KIF5C: variants seen among roughly 807,000 people sequenced by gnomAD.
KIF5C encodes the protein kinesin family member 5C, also known as kinesin heavy chain isoform 5C.
In KIF5C, 18 loss-of-function variants were observed where a neutral mutation model predicts 125.2. The ratio of observed to expected loss-of-function variants is 0.14; its 90% CI spans 0.10 to 0.21. The LOEUF is 0.21. KIF5C is among the 10% of genes least tolerant of loss of function. The pLI is 1.00. For missense variants in KIF5C, 780 were observed against 1,183.8 expected (o/e 0.66, Z 5.01); for synonymous variants, 405 against 434.0 (o/e 0.93, Z 0.83).
At chr2:148,926,008 G>A (rs1377475334) in intron 2 of KIF5C, among the ~76,000 whole-genome samples, 1 of 152,174 alleles carries the variant, frequency 6.6e-6, no homozygotes, top group Non-Finnish European at 1.5e-5. Context: ...GACTGGTGAG[G>A]ATGGCCTGTC....
intron 7 of KIF5C, among the ~76,000 whole-genome samples, chr2:148,946,012 T>C (rs544957195): frequency 3.3e-5 from 5 of 152,332 alleles, no homozygotes; most frequent in Non-Finnish European, 7.3e-5. Context: ...AGTGTACAAG[T>C]CTTTCTCTTC....
intron 1 of KIF5C, among the ~76,000 whole-genome samples, chr2:148,917,942 C>T (rs1487593678): frequency 6.6e-6 from 1 of 152,206 alleles, no homozygotes; most frequent in African/African-American, 2.4e-5. Context: ...CCTCCTGGTG[C>T]CCATCTTCAA....
chr2:148,996,224 T>C (rs984391295), intron 17 of KIF5C, among the ~76,000 whole-genome samples: 3 of 152,218 alleles, frequency 2.0e-5, no homozygotes, highest in Non-Finnish European at 4.4e-5. Flanking sequence ...TGTGATAGGG[T>C]AGTTGGGATT....
intron 1 of KIF5C, chr2:148,888,284 T>TA (rs1289846419): frequency 2.6e-5 from 4 of 152,224 alleles, no homozygotes; most frequent in Non-Finnish European, 5.9e-5. Flanking sequence ...ATCTGCCACT[T>TA]ACCTTCTGTC....
chr2:148,889,339 A>G (rs986567314), intron 1 of KIF5C, among the ~76,000 whole-genome samples: 10 of 152,188 alleles, frequency 6.6e-5, no homozygotes, highest in Non-Finnish European at 1.2e-4. Flanking sequence ...AACTAATTGT[A>G]TAACTATTTA....
chr2:148,961,415 G>C (rs962660216), intron 10 of KIF5C, among the ~76,000 whole-genome samples: 1 of 152,074 alleles, frequency 6.6e-6, no homozygotes, highest in Non-Finnish European at 1.5e-5. Flanking sequence ...ATCAGGGGTG[G>C]TTTTGGGTAC....
chr2:148,973,198 C>A, intron 11 of KIF5C, 138 bp from the exon 12 acceptor site: 1 of 1,262,056 alleles, frequency 7.9e-7, no homozygotes, highest in Non-Finnish European at 1.0e-6. Context: ...AGAAGGAACA[C>A]AAACTCTACC....
At chr2:148,999,667 AG>A (rs1681792709) in intron 19 of KIF5C, among the ~76,000 whole-genome samples, 1 of 151,916 alleles carries the variant, frequency 6.6e-6, no homozygotes, top group South Asian at 2.1e-4. Context: ...ACTGGAAGGG[AG>A]GGGGAGGTTG....
intron 1 of KIF5C, among the ~76,000 whole-genome samples, chr2:148,919,336 A>T (rs1306381352): frequency 1.3e-5 from 2 of 152,202 alleles, no homozygotes; most frequent in Non-Finnish European, 2.9e-5. Context: ...CTGCATAGAC[A>T]CCTGGAAGGG....
intron 12 of KIF5C, among the ~76,000 whole-genome samples, chr2:148,977,669 A>T (rs1345660248): frequency 6.6e-6 from 1 of 152,214 alleles, no homozygotes; most frequent in East Asian, 1.9e-4. Flanking sequence ...TAGAAACAGG[A>T]TCTCTTTAAG....
chr2:148,981,600 C>T (rs1263251836), intron 14 of KIF5C, 39 bp downstream of exon 14: 6 of 1,538,754 alleles, frequency 3.9e-6, no homozygotes, highest in East Asian at 2.4e-5. Context: ...ACTTCCTTGG[C>T]TGCCGTTCCT....
intron 1 of KIF5C, chr2:148,884,069 A>G (rs1681446574): frequency 1.3e-5 from 2 of 152,212 alleles, no homozygotes; most frequent in Non-Finnish European, 2.9e-5. Context: ...TTCGAGCTAA[A>G]TTAAATTCTT....
chr2:148,972,509 G>T (rs1255333389), intron 11 of KIF5C, among the ~76,000 whole-genome samples: 1 of 152,218 alleles, frequency 6.6e-6, no homozygotes, highest in Non-Finnish European at 1.5e-5. Context: ...TGATGTTCTT[G>T]TTGGAGATAG....
intron 17 of KIF5C, among the ~76,000 whole-genome samples, chr2:148,995,430 G>A (rs958528781): frequency 2.6e-5 from 4 of 152,104 alleles, no homozygotes; most frequent in Non-Finnish European, 5.9e-5. Context: ...GAAGTGCCTC[G>A]CACATAGGAA....
chr2:148,989,295 C>G (rs553124210), intron 15 of KIF5C, among the ~76,000 whole-genome samples: 1 of 152,118 alleles, frequency 6.6e-6, no homozygotes, highest in South Asian at 2.1e-4. Flanking sequence ...CCGAATGCCA[C>G]TATTCCATTC....
At chr2:148,903,726 C>T (rs938985199) in intron 1 of KIF5C, among the ~76,000 whole-genome samples, 3 of 152,140 alleles carry the variant, frequency 2.0e-5, no homozygotes, top group Non-Finnish European at 4.4e-5. Context: ...CAGAGAGCTG[C>T]GATAACTTGC....
chr2:148,938,302 C>T (rs368316839), intron 4 of KIF5C, among the ~76,000 whole-genome samples: 57 of 152,152 alleles, frequency 3.7e-4, no homozygotes, highest in African/African-American at 1.1e-3. Flanking sequence ...TGTTCACATA[C>T]CGCAAAATTC....
chr2:148,891,897 C>T (rs1280307633), intron 1 of KIF5C, among the ~76,000 whole-genome samples: 6 of 152,070 alleles, frequency 3.9e-5, no homozygotes, highest in African/African-American at 1.4e-4. Flanking sequence ...GGGGTTTCAC[C>T]ATGTTGGTCA....
chr2:148,999,763 G>A (rs552194455), intron 19 of KIF5C, among the ~76,000 whole-genome samples: 2 of 152,356 alleles, frequency 1.3e-5, no homozygotes, highest in South Asian at 4.1e-4. Flanking sequence ...CCTTTCAAAT[G>A]GACTCTGGGT....
Sources: allele counts gnomAD v4.1 joint callset (sites outside exome capture counted in the v4.1 genomes callset), GRCh38; gene constraint gnomAD v4.1.1; transcripts MANE v1.5; gene names NCBI Gene and HGNC (gene_info 2026-07-23, HGNC 2026-07-21).